The following SIPA1L2 variants were observed in gnomAD, a reference collection of about 807,000 sequenced individuals.
SIPA1L2 encodes the protein signal-induced proliferation-associated 1-like protein 2.
In SIPA1L2, 56 loss-of-function variants were observed where a neutral mutation model predicts 163.9. That is an observed-to-expected ratio of 0.34 (90% CI 0.28 to 0.43). The LOEUF is 0.43. Ranked by LOEUF, SIPA1L2 falls within the 20% of genes least tolerant of loss-of-function variation. SIPA1L2 has a pLI of 1.00. For missense variants in SIPA1L2, 1,974 were observed against 2,193.5 expected (o/e 0.90, Z 2.00); for synonymous variants, 877 against 865.7 (o/e 1.01, Z -0.23).
chr1:232,541,574 T>C, intron 2 of SIPA1L2, among the ~76,000 whole-genome samples: 1 of 152,216 alleles, frequency 6.6e-6, no homozygotes, highest in East Asian at 1.9e-4. Flanking sequence ...CTTGTCAATA[T>C]CTGCATCTCT....
At chr1:232,614,656 A>G (rs1166928758) in intron 1 of SIPA1L2, among the ~76,000 whole-genome samples, 1 of 152,252 alleles carries the variant, frequency 6.6e-6, no homozygotes. Flanking sequence ...AATTAGCAAT[A>G]TATGCATAGC....
chr1:232,467,063 G>C (rs777615761), intron 8 of SIPA1L2, among the ~76,000 whole-genome samples: 3 of 152,206 alleles, frequency 2.0e-5, no homozygotes, highest in Non-Finnish European at 4.4e-5. Context: ...TGTTCTGTCA[G>C]ATGCAAACTC....
At chr1:232,507,945 A>G (rs1291778091) in intron 3 of SIPA1L2, among the ~76,000 whole-genome samples, 2 of 152,238 alleles carry the variant, frequency 1.3e-5, no homozygotes, top group Non-Finnish European at 2.9e-5. Context: ...GATAATGACG[A>G]AATGTTAATG....
At chr1:232,536,062 C>A (rs1657286409) in intron 2 of SIPA1L2, among the ~76,000 whole-genome samples, 1 of 152,174 alleles carries the variant, frequency 6.6e-6, no homozygotes, top group Non-Finnish European at 1.5e-5. Context: ...ATACTGAGGA[C>A]CTGCCAAGGA....
intron 3 of SIPA1L2, among the ~76,000 whole-genome samples, chr1:232,513,237 C>A (rs1201855723): frequency 1.3e-5 from 2 of 152,212 alleles, no homozygotes; most frequent in Non-Finnish European, 2.9e-5. Flanking sequence ...ATGCATCCTT[C>A]AAGCCTGAAG....
Position 232,541,868 on chromosome 1 carries a change from A to G in SIPA1L2, c.-269-26260T>C, listed in dbSNP as rs1006599032. On this transcript the variant is annotated intron_variant, in intron 2 of 22. Coordinates refer to ENST00000674635, the MANE Select transcript of SIPA1L2 (RefSeq NM_020808.5). ...TCCTACAGATTTAAAAAAAAAAAAA[A>G]AAAAAAGTAATTCATGAAGGGGAAC... Among the ~76,000 whole-genome samples the G allele has an allele frequency of 8.6e-5, 13 of 151,912 alleles. No homozygotes were observed. The South Asian group carries it at 2.7e-3, about 32-fold the overall frequency.
At position 232,448,834 on chromosome 1, in the gene SIPA1L2, T is replaced by C. The variant is rs985892566; in HGVS notation, c.3096-3048A>G. ...CCTGAGGTCCACACAGCGCCTGGCCTAGTCAGGCAGTAACCTATCCCCTAC... is the reference window on the plus strand; with the variant it reads ...CCTGAGGTCCACACAGCGCCTGGCCCAGTCAGGCAGTAACCTATCCCCTAC... On this transcript the variant is annotated intron_variant, in intron 10 of 22. Coordinates refer to ENST00000674635, the MANE Select transcript of SIPA1L2 (RefSeq NM_020808.5). 2.1e-4 allele frequency among the ~76,000 whole-genome samples: 32 copies of C among 152,142 alleles called. 1 individual carries two copies. The highest frequency in any genetic ancestry group is 1.5e-5 in the Non-Finnish European group (1 of 68,022).
At chr1:232,494,972 C>A (rs1031659520) in intron 3 of SIPA1L2, among the ~76,000 whole-genome samples, 1 of 152,126 alleles carries the variant, frequency 6.6e-6, no homozygotes, top group Non-Finnish European at 1.5e-5. Context: ...CATCTGCAAA[C>A]TTGAAGGAAA....
chr1:232,489,940 C>T (rs1195687872), intron 5 of SIPA1L2, among the ~76,000 whole-genome samples: 1 of 152,154 alleles, frequency 6.6e-6, no homozygotes, highest in Non-Finnish European at 1.5e-5. Flanking sequence ...TTAACTCTCT[C>T]CTGGACAATG....
In SIPA1L2 at chr1:232,465,913, C is replaced by T. The variant is rs542062928; in HGVS notation, c.2244-497G>A. The stretch of plus-strand genomic sequence containing the variant: ...ACCATGTGAAGACACAAGGAGAAGA[C>T]GGCCATCCATAAGCCAAGGGGAGAG... On this transcript the variant is annotated intron_variant, in intron 8 of 22. Coordinates refer to ENST00000674635, the MANE Select transcript of SIPA1L2 (RefSeq NM_020808.5). This position sits in a 1 kb window ranked among gnomAD's most constrained non-coding sequence, Gnocchi z 4.1. Among the ~76,000 whole-genome samples, 5 of 151,642 alleles carry T rather than the reference C, an allele frequency of 3.3e-5. No homozygotes were observed. In the East Asian group the frequency reaches 5.9e-4, roughly 18 times the overall value.
At chr1:232,468,822 A>G (rs943300473) in intron 8 of SIPA1L2, among the ~76,000 whole-genome samples, 2 of 152,276 alleles carry the variant, frequency 1.3e-5, no homozygotes, top group African/African-American at 4.8e-5. Flanking sequence ...ACATAAAAAC[A>G]TAAATCCCTG....
At chr1:232,454,380 G>A (rs1663769390) in intron 10 of SIPA1L2, among the ~76,000 whole-genome samples, 2 of 152,070 alleles carry the variant, frequency 1.3e-5, no homozygotes, top group Admixed American at 1.3e-4. Flanking sequence ...CTTACTAGAA[G>A]CAGACACAGG....
At chr1:232,554,588 A>C (rs1658591087) in intron 2 of SIPA1L2, among the ~76,000 whole-genome samples, 2 of 152,240 alleles carry the variant, frequency 1.3e-5, no homozygotes, top group South Asian at 4.1e-4. Context: ...GGTGTCACGA[A>C]GAATGAAACG....
chr1:232,445,443 G>A (rs1250898947), intron 11 of SIPA1L2, 86 bp downstream of exon 11: 15 of 1,576,920 alleles, frequency 9.5e-6, no homozygotes. Context: ...ACTCAGAAGT[G>A]ATTAAGCAAA....
intron 2 of SIPA1L2, among the ~76,000 whole-genome samples, chr1:232,545,424 G>C (rs993766677): frequency 6.6e-6 from 1 of 152,156 alleles, no homozygotes; most frequent in Non-Finnish European, 1.5e-5. Context: ...AAGAACCATG[G>C]TTGGCTTGGT....
intron 6 of SIPA1L2, among the ~76,000 whole-genome samples, chr1:232,482,850 A>C (rs1251703372): frequency 6.6e-6 from 1 of 152,190 alleles, no homozygotes; most frequent in Non-Finnish European, 1.5e-5. Flanking sequence ...TGACGCTCCC[A>C]CACAGAAAAC....
intron 2 of SIPA1L2, among the ~76,000 whole-genome samples, chr1:232,558,405 C>T (rs1658840280): frequency 6.6e-6 from 1 of 152,142 alleles, no homozygotes; most frequent in East Asian, 1.9e-4. Context: ...GGTAAATGTG[C>T]CCCACCCCCG....
At chr1:232,489,962 A>G (rs139848354) in intron 5 of SIPA1L2, among the ~76,000 whole-genome samples, 9 of 152,266 alleles carry the variant, frequency 5.9e-5, no homozygotes, top group Middle Eastern at 3.4e-3. Context: ...CAATAATCAC[A>G]TAATTGATCT....
At chr1:232,536,947 C>T (rs1558252683) in intron 2 of SIPA1L2, among the ~76,000 whole-genome samples, 2 of 152,200 alleles carry the variant, frequency 1.3e-5, no homozygotes, top group Non-Finnish European at 2.9e-5. Flanking sequence ...GTCGTAATTA[C>T]ATTATGGGCC....
Sources: allele counts gnomAD v4.1 joint callset (sites outside exome capture counted in the v4.1 genomes callset), GRCh38; gene constraint gnomAD v4.1.1; non-coding constraint Gnocchi (gnomAD v3.1); transcripts MANE v1.5; gene names NCBI Gene and HGNC (gene_info 2026-07-23, HGNC 2026-07-21).